DENND5B: variants seen among roughly 807,000 people sequenced by gnomAD.
DENND5B encodes the protein DENN domain containing 5B, also known as DENN domain-containing protein 5B.
Under a neutral mutation model 140.6 loss-of-function variants are expected in DENND5B, and 34 were observed. That is an observed-to-expected ratio of 0.24 (90% CI 0.18 to 0.32). The LOEUF is 0.32. DENND5B is among the 10% of genes least tolerant of loss of function. The probability of loss-of-function intolerance (pLI) is 1.00; values close to 1 mark genes in which losing one functional copy is unlikely to be tolerated. For missense variants in DENND5B, 1,142 were observed against 1,560.2 expected (o/e 0.73, Z 4.52); for synonymous variants, 551 against 562.1 (o/e 0.98, Z 0.28).
At chr12:31,428,733 A>T (rs1177462617) in intron 8 of DENND5B, among the ~76,000 whole-genome samples, 2 of 150,882 alleles carry the variant, frequency 1.3e-5, no homozygotes, top group African/African-American at 2.4e-5. Flanking sequence ...TGCCCGGCTA[A>T]TTATTTATTT....
chr12:31,557,463 C>T (rs943657107), intron 1 of DENND5B, among the ~76,000 whole-genome samples: 13 of 152,166 alleles, frequency 8.5e-5, no homozygotes, highest in African/African-American at 2.9e-4. Flanking sequence ...CCTGCAGCCT[C>T]AACCTCCTGG....
rs1941194246 is a variant in DENND5B, at chr12:31,392,411, C to T, written c.3340-18G>A. The T allele has an allele frequency of 6.2e-7, 1 of 1,610,964 alleles. No individual in the cohort carries two copies. On this transcript the variant is annotated intron_variant, in intron 18 of 20. Transcript: ENST00000389082. Reference sequence around the variant, plus strand: ...CTTCCTCTCTGTGGGGCATAACACACAGTGCCAAAGAAAAATCTCCTGCAT... The same window carrying T: ...CTTCCTCTCTGTGGGGCATAACACATAGTGCCAAAGAAAAATCTCCTGCAT...
intron 1 of DENND5B, among the ~76,000 whole-genome samples, chr12:31,544,350 C>A (rs563550881): frequency 1.1e-4 from 17 of 152,278 alleles, no homozygotes; most frequent in African/African-American, 3.9e-4. Flanking sequence ...GGCACAAGCA[C>A]AGCTCACTGT....
chr12:31,410,644 A>G (rs750402779), intron 13 of DENND5B, among the ~76,000 whole-genome samples: 1 of 152,044 alleles, frequency 6.6e-6, no homozygotes, highest in African/African-American at 2.4e-5. Flanking sequence ...GGCTCAAGCA[A>G]TCCTCCCACT....
At chr12:31,569,231 C>A (rs1949732304) in intron 1 of DENND5B, among the ~76,000 whole-genome samples, 1 of 151,830 alleles carries the variant, frequency 6.6e-6, no homozygotes, top group African/African-American at 2.4e-5. Flanking sequence ...CAACACCCAG[C>A]TAATTTTCTG....
At chr12:31,396,718 G>T (rs939955423) in intron 17 of DENND5B, among the ~76,000 whole-genome samples, 1 of 152,028 alleles carries the variant, frequency 6.6e-6, no homozygotes, top group Non-Finnish European at 1.5e-5. Context: ...TACCTCCTGG[G>T]TTCAAGCAAT....
At chr12:31,487,569 G>T (rs890944041) in intron 2 of DENND5B, among the ~76,000 whole-genome samples, 1 of 152,070 alleles carries the variant, frequency 6.6e-6, no homozygotes, top group African/African-American at 2.4e-5. Context: ...GGGCGTGGTG[G>T]GACACACCTG....
In DENND5B at chr12:31,413,420, A is replaced by G; in HGVS notation, c.2681+16T>C. 1.2e-6 allele frequency: 2 copies of G among 1,605,664 alleles called. No homozygotes were observed. Among genetic ancestry groups the G allele is most frequent in the Admixed American group, 1.7e-5 (1 of 57,980 alleles). On this transcript the variant is annotated intron_variant, in intron 13 of 20. Transcript: ENST00000389082. Reference sequence around the variant, plus strand: ...TGGATTATAGAAACAGAAATGTATCAAAGATGGTATCTTACTTGGTGAGTG... The same window carrying G: ...TGGATTATAGAAACAGAAATGTATCGAAGATGGTATCTTACTTGGTGAGTG...
chr12:31,471,063 T>C (rs962157583), intron 3 of DENND5B, among the ~76,000 whole-genome samples: 4 of 152,206 alleles, frequency 2.6e-5, no homozygotes, highest in African/African-American at 7.2e-5. Context: ...TATTGTTCTA[T>C]GTAAAAGCTA....
At chr12:31,531,471 C>T (rs144830958) in intron 1 of DENND5B, among the ~76,000 whole-genome samples, 165 of 152,364 alleles carry the variant, frequency 1.1e-3, no homozygotes, top group African/African-American at 3.5e-3. Context: ...GCTGGGATTA[C>T]AGGCGTGAGC....
At chr12:31,426,210 T>TG in intron 9 of DENND5B, 83 bp downstream of exon 9, 1 of 1,441,778 alleles carries the variant, frequency 6.9e-7, no homozygotes, top group Non-Finnish European at 9.2e-7. Flanking sequence ...CATGCTTAAA[T>TG]GGGGGTTAAC....
At chr12:31,410,109 A>G (rs1942373511) in intron 13 of DENND5B, among the ~76,000 whole-genome samples, 1 of 152,246 alleles carries the variant, frequency 6.6e-6, no homozygotes, top group South Asian at 2.1e-4. Context: ...TCAAACTAAT[A>G]AAGACTTAAA....
chr12:31,590,963 AGCCGCCTCTC>A lies in DENND5B; in HGVS notation c.-141_-132del, dbSNP rs1950600010. 3.9e-6 allele frequency: 4 copies of A among 1,014,362 alleles called. No individual in the cohort carries two copies. The African/African-American group carries it at 6.9e-5, about 17-fold the overall frequency. The allele number at this position is 1,014,362 out of a possible 1,614,324, so 62.8% of individuals were successfully genotyped here. A position where few individuals can be genotyped will look rare whatever the true frequency, so the allele number is the denominator to read the frequency against. ...GACACTGGCGCGCCCATGGCCGCGCAGCCGCCTCTCGCCGCCGCAGCCTGCCTCCTCGCTC... is the reference window on the plus strand; with the variant it reads ...GACACTGGCGCGCCCATGGCCGCGCAGCCGCCGCAGCCTGCCTCCTCGCTC... On this transcript the variant is annotated 5_prime_UTR_variant, in exon 1 of 21. Transcript: ENST00000389082.
At chr12:31,465,736 C>T (rs959984068) in intron 3 of DENND5B, 2 of 152,194 alleles carry the variant, frequency 1.3e-5, no homozygotes, top group Non-Finnish European at 2.9e-5. Context: ...TGGCTTATCT[C>T]CCTAGTTTCA....
intron 1 of DENND5B, among the ~76,000 whole-genome samples, chr12:31,583,772 T>C (rs1176394596): frequency 6.6e-6 from 1 of 152,212 alleles, no homozygotes; most frequent in African/African-American, 2.4e-5. Context: ...AAATGTTAGC[T>C]ATTTTACTAT....
intron 3 of DENND5B, chr12:31,477,414 T>A (rs955033078): frequency 1.3e-5 from 2 of 152,180 alleles, no homozygotes; most frequent in Non-Finnish European, 2.9e-5. Flanking sequence ...TAAGTAATAA[T>A]GGAAGCAGTG....
At chr12:31,518,987 C>G (rs1392325285) in intron 1 of DENND5B, among the ~76,000 whole-genome samples, 1 of 152,202 alleles carries the variant, frequency 6.6e-6, no homozygotes, top group Non-Finnish European at 1.5e-5. Flanking sequence ...AGCAACAAAG[C>G]TCTTCAGGAA....
intron 1 of DENND5B, among the ~76,000 whole-genome samples, chr12:31,551,563 A>G (rs1241480367): frequency 6.6e-6 from 1 of 152,150 alleles, no homozygotes; most frequent in Non-Finnish European, 1.5e-5. Context: ...TTCTGGTTCC[A>G]TATAAACTTT....
chr12:31,581,625 G>A (rs978516495), intron 1 of DENND5B, among the ~76,000 whole-genome samples: 7 of 147,788 alleles, frequency 4.7e-5, no homozygotes, highest in Admixed American at 3.4e-4. Context: ...CCTGGGAGGC[G>A]CTGGCTGCGG....
Sources: allele counts gnomAD v4.1 joint callset (sites outside exome capture counted in the v4.1 genomes callset), GRCh38; gene constraint gnomAD v4.1.1; transcripts MANE v1.5; gene names NCBI Gene and HGNC (gene_info 2026-07-23, HGNC 2026-07-21).